Variants in KIF15 observed in about 807,000 individuals in gnomAD.
KIF15 encodes kinesin family member 15.
A neutral mutation model predicts 190.6 loss-of-function variants in KIF15; 140 were observed. The observed-to-expected ratio is 0.73, with a 90% CI of 0.64 to 0.84. The LOEUF (loss-of-function observed/expected upper bound fraction) is 0.84. KIF15 is among the 40% of genes least tolerant of loss of function. The probability of loss-of-function intolerance (pLI) is 0.00; values close to 1 mark genes in which losing one functional copy is unlikely to be tolerated. For missense variants in KIF15, 1,372 were observed against 1,584.4 expected, an observed-to-expected ratio of 0.87 and a Z score of 2.28; for synonymous variants, 528 against 551.3, an observed-to-expected ratio of 0.96 and a Z score of 0.59.
intron 16 of KIF15, among the ~76,000 whole-genome samples, chr3:44,810,588 T>C (rs955085342): frequency 2.6e-5 from 4 of 152,144 alleles, no homozygotes; most frequent in African/African-American, 9.7e-5. Context: ...TGTCTCTTCT[T>C]GTACATTTAT....
chr3:44,852,526 C>A, intron 34 of KIF15, 147 bp from the exon 35 acceptor site: 2 of 795,684 alleles, frequency 2.5e-6, no homozygotes. Context: ...ATTTCATAGA[C>A]AGCAGATTCT....
intron 28 of KIF15, among the ~76,000 whole-genome samples, 199 bp downstream of exon 28, chr3:44,840,655 ATTTTTTTTTTTTTTT>A (rs60621752): frequency 0.039 from 2,613 of 67,270 alleles, 89 homozygotes; most frequent in African/African-American, 0.13. Context: ...TAAGCAGCGG[ATTTTTTTTTTTTTTT>A]TTTTTTTTTT....
chr3:44,816,000 G>C (rs1708015521), intron 20 of KIF15, among the ~76,000 whole-genome samples: 2 of 151,970 alleles, frequency 1.3e-5, no homozygotes, highest in South Asian at 4.1e-4. Flanking sequence ...GAAAACTTGA[G>C]ATCTGCAGGC....
At chr3:44,777,956 T>C (rs534252127) in intron 3 of KIF15, among the ~76,000 whole-genome samples, 159 bp from the exon 4 acceptor site, 1 of 152,366 alleles carries the variant, frequency 6.6e-6, no homozygotes, top group East Asian at 1.9e-4. Context: ...GATGTAATTA[T>C]GTGTAAAGTT....
At chr3:44,837,568 ATCC>A (rs1698383621) in intron 26 of KIF15, among the ~76,000 whole-genome samples, 1 of 152,074 alleles carries the variant, frequency 6.6e-6, no homozygotes, top group Admixed American at 6.5e-5. Context: ...ATCTGTGTAT[ATCC>A]ATGTATATGT....
chr3:44,839,547 G>T (rs951106523), intron 27 of KIF15, among the ~76,000 whole-genome samples: 2 of 152,058 alleles, frequency 1.3e-5, no homozygotes, highest in Non-Finnish European at 2.9e-5. Flanking sequence ...TATGCCATGG[G>T]AAGAAACCGC....
intron 26 of KIF15, among the ~76,000 whole-genome samples, chr3:44,833,952 A>G (rs980133410): frequency 1.3e-5 from 2 of 152,218 alleles, no homozygotes; most frequent in South Asian, 4.1e-4. Context: ...AGTTAAAAGG[A>G]AATCTAGCTA....
chr3:44,849,045 G>T (rs1481980261), intron 32 of KIF15, among the ~76,000 whole-genome samples: 3 of 152,134 alleles, frequency 2.0e-5, no homozygotes, highest in African/African-American at 7.2e-5. Context: ...GATGAGCAAG[G>T]TGTACTATAT....
rs373148959 is a variant in KIF15, at chr3:44,800,719, A to T, written c.1222+282A>T. Among the ~76,000 whole-genome samples, 5 of 152,234 alleles carry T rather than the reference A, an allele frequency of 3.3e-5. No individual in the cohort carries two copies. In the East Asian group the frequency reaches 9.6e-4, roughly 29 times the overall value. ...CTTCTACGTAGCATATGTAATCTAT[A>T]TATGTTTACTATAGGATAAGAGAGA... On this transcript the variant is annotated intron_variant, in intron 11 of 34. Transcript: ENST00000326047.
At chr3:44,765,125 G>A (rs920855596) in intron 1 of KIF15, among the ~76,000 whole-genome samples, 5 of 152,228 alleles carry the variant, frequency 3.3e-5, no homozygotes, top group Non-Finnish European at 7.3e-5. Flanking sequence ...AATAATGCCA[G>A]AACTATCTAC....
intron 1 of KIF15, among the ~76,000 whole-genome samples, chr3:44,768,166 G>C (rs1705484163): frequency 6.6e-6 from 1 of 151,822 alleles, no homozygotes; most frequent in African/African-American, 2.4e-5. Context: ...CCAGCTACTT[G>C]GGAGGCTGAG....
At chr3:44,795,960 C>T (rs536354476) in intron 8 of KIF15, among the ~76,000 whole-genome samples, 6 of 152,254 alleles carry the variant, frequency 3.9e-5, no homozygotes, top group Admixed American at 1.3e-4. Context: ...CTCTCTGGTT[C>T]AAGCAGTTCT....
chr3:44,823,814 C>T (rs972415851), intron 20 of KIF15, among the ~76,000 whole-genome samples: 2 of 152,196 alleles, frequency 1.3e-5, no homozygotes, highest in Non-Finnish European at 2.9e-5. Context: ...TGGGACCCAC[C>T]GAGCTAGGTG....
intron 6 of KIF15, among the ~76,000 whole-genome samples, 194 bp from the exon 7 acceptor site, chr3:44,786,201 G>C (rs1169822464): frequency 1.3e-5 from 2 of 152,184 alleles, no homozygotes; most frequent in African/African-American, 4.8e-5. Flanking sequence ...GGACAACAGA[G>C]TGAGACTCCA....
intron 11 of KIF15, among the ~76,000 whole-genome samples, chr3:44,801,212 A>AG (rs531706083): frequency 0.018 from 2,195 of 125,240 alleles, 97 homozygotes; most frequent in African/African-American, 0.061. Flanking sequence ...GGGCGGCGGG[A>AG]GGGGGGGGTC....
intron 10 of KIF15, 88 bp from the exon 11 acceptor site, chr3:44,800,226 A>G: frequency 8.1e-7 from 1 of 1,230,386 alleles, no homozygotes; most frequent in Non-Finnish European, 1.1e-6. Flanking sequence ...GATGTTCATC[A>G]CTACAAATCA....
chr3:44,820,489 A>AC (rs1417418581), intron 20 of KIF15, among the ~76,000 whole-genome samples: 1 of 152,012 alleles, frequency 6.6e-6, no homozygotes, highest in African/African-American at 2.4e-5. Context: ...TAGGCGGAGG[A>AC]CCCTGCGGCC....
At position 44,852,969 on chromosome 3, in the gene KIF15, T is replaced by C. The variant is rs984191111; in HGVS notation, c.*234T>C. 1 of 342,756 alleles carries C rather than the reference T, an allele frequency of 2.9e-6. No homozygotes were observed. The highest frequency in any genetic ancestry group is 2.1e-5 in the African/African-American group (1 of 46,796). The allele number at this position is 342,756 out of a possible 1,614,324, so 21.2% of individuals were successfully genotyped here. ...GCCTACTTCAAGGCTTTGAATCAAC[T>C]TAAGGGAAAACCTTTTGTCTTTGTA... is the stretch of plus-strand genomic sequence containing the variant. On this transcript the variant is annotated 3_prime_UTR_variant, in exon 35 of 35. Transcript: ENST00000326047.
At chr3:44,796,599 G>A (rs2125628437) in intron 8 of KIF15, among the ~76,000 whole-genome samples, 1 of 152,270 alleles carries the variant, frequency 6.6e-6, no homozygotes, top group East Asian at 1.9e-4. Flanking sequence ...GATAACAGCA[G>A]TGACTCTGAA....
Sources: allele counts gnomAD v4.1 joint callset (sites outside exome capture counted in the v4.1 genomes callset), GRCh38; gene constraint gnomAD v4.1.1; transcripts MANE v1.5; gene names NCBI Gene and HGNC (gene_info 2026-07-23, HGNC 2026-07-21).